Variants in DNAH8 observed in about 807,000 individuals in gnomAD.
DNAH8 encodes the protein axonemal beta dynein heavy chain 8.
Under a neutral mutation model 562.1 loss-of-function variants are expected in DNAH8, and 382 were observed. That is an observed-to-expected ratio of 0.68 (90% CI 0.63 to 0.74). DNAH8 has a LOEUF of 0.74. Among genes scored for constraint, DNAH8 ranks in the 30% least tolerant of loss-of-function variants. The pLI, the probability that DNAH8 is intolerant of heterozygous loss-of-function variation, is 0.00. For missense variants in DNAH8, 5,203 were observed against 5,620.4 expected (o/e 0.93, Z 2.37); for synonymous variants, 1,881 against 1,919.4 (o/e 0.98, Z 0.52).
Position 38,926,101 on chromosome 6 carries a change from T to G in DNAH8, c.11009T>G (p.Ile3670Ser), listed in dbSNP as rs1348244920. 6.2e-7 allele frequency: 1 copy of G among 1,613,830 alleles called. No individual in the cohort carries two copies. The highest frequency in any genetic ancestry group is 8.5e-7 in the Non-Finnish European group (1 of 1,179,808). ...LQGLPGDDLS[I>S]QNGIIVTKAT... ...GGATTACCAGGAGATGATCTCTCAA[T>G]TCAGAATGGCATTATTGTGACAAAG... Residue 3670 changes from isoleucine (I) to serine (S), a missense_variant, in exon 74 of 93, where the codon ATT (isoleucine) becomes AGT (serine). This residue lies in a region of DNAH8 where 1,399 missense variants were observed against 1,518.4 expected (regional missense o/e 0.92). Transcript: ENST00000327475.
chr6:39,002,818 G>A (rs1280682337), intron 88 of DNAH8, among the ~76,000 whole-genome samples: 2 of 152,168 alleles, frequency 1.3e-5, no homozygotes, highest in African/African-American at 4.8e-5. Context: ...TCTGGATGGA[G>A]TTACAAACAC....
At chr6:38,749,229 G>A (rs1470842798) in intron 8 of DNAH8, among the ~76,000 whole-genome samples, 4 of 152,080 alleles carry the variant, frequency 2.6e-5, no homozygotes, top group African/African-American at 9.7e-5. Context: ...ACAGGGACAC[G>A]GATGAAGCTG....
At chr6:39,022,612 G>T (rs541218545) in intron 91 of DNAH8, among the ~76,000 whole-genome samples, 84 of 152,340 alleles carry the variant, frequency 5.5e-4, no homozygotes, top group African/African-American at 2.0e-3. Flanking sequence ...CCCACCTGGG[G>T]GTGCCCTGCT....
intron 8 of DNAH8, 36 bp from the exon 9 acceptor site, chr6:38,750,440 G>C (rs763204076): frequency 1.4e-6 from 2 of 1,420,442 alleles, no homozygotes; most frequent in Non-Finnish European, 2.0e-6. Context: ...GATATATTTG[G>C]ATGTTTCATA....
intron 91 of DNAH8, among the ~76,000 whole-genome samples, chr6:39,016,270 G>A (rs1583573608): frequency 6.6e-6 from 1 of 152,034 alleles, no homozygotes; most frequent in African/African-American, 2.4e-5. Context: ...ACCCTACATA[G>A]GCAGGGCGTG....
At chr6:38,749,161 G>A (rs184025465) in intron 8 of DNAH8, among the ~76,000 whole-genome samples, 2 of 152,234 alleles carry the variant, frequency 1.3e-5, no homozygotes, top group Admixed American at 1.3e-4. Flanking sequence ...AGAAAATGTG[G>A]CACATATACA....
chr6:38,887,086 G>A, intron 57 of DNAH8, 82 bp downstream of exon 57: 1 of 1,033,158 alleles, frequency 9.7e-7, no homozygotes, highest in Non-Finnish European at 1.5e-6. Context: ...AGACAAAAAG[G>A]CTCTGTCTAA....
chr6:38,809,682 A>T (rs1042120709), intron 24 of DNAH8, among the ~76,000 whole-genome samples: 1 of 152,154 alleles, frequency 6.6e-6, no homozygotes, highest in Non-Finnish European at 1.5e-5. Flanking sequence ...GGTCCTGCAC[A>T]TTTTTGTTAG....
chr6:38,915,496 G>C, intron 68 of DNAH8, 119 bp downstream of exon 68: 1 of 875,038 alleles, frequency 1.1e-6, no homozygotes. Flanking sequence ...TAATCTCTGA[G>C]TCTGGAAACA....
intron 82 of DNAH8, among the ~76,000 whole-genome samples, chr6:38,966,582 A>G (rs2150678107): frequency 6.6e-6 from 1 of 152,356 alleles, no homozygotes; most frequent in South Asian, 2.1e-4. Context: ...AAAATTCTCA[A>G]CAAAGTATTA....
At chr6:39,014,876 G>A (rs923344094) in intron 91 of DNAH8, among the ~76,000 whole-genome samples, 4 of 152,176 alleles carry the variant, frequency 2.6e-5, no homozygotes, top group Admixed American at 2.0e-4. Flanking sequence ...GAAGGCAAGT[G>A]AGGGACTGGA....
intron 74 of DNAH8, 23 bp downstream of exon 74, chr6:38,926,233 G>A: frequency 6.2e-7 from 1 of 1,604,326 alleles, no homozygotes; most frequent in East Asian, 2.2e-5. Context: ...TGGTGCAGGG[G>A]AAAGTAATCT....
chr6:38,810,278 G>A (rs1198385160), intron 24 of DNAH8, among the ~76,000 whole-genome samples: 1 of 152,014 alleles, frequency 6.6e-6, no homozygotes, highest in Non-Finnish European at 1.5e-5. Context: ...ACTTTAGAAT[G>A]CACATATTTT....
intron 11 of DNAH8, among the ~76,000 whole-genome samples, chr6:38,766,568 C>T (rs1767021513): frequency 6.6e-6 from 1 of 152,104 alleles, no homozygotes; most frequent in Admixed American, 6.6e-5. Context: ...CTCAATGCAA[C>T]CTCCGCCTCC....
chr6:38,955,164 A>G (rs1324965297), intron 82 of DNAH8, among the ~76,000 whole-genome samples: 1 of 151,900 alleles, frequency 6.6e-6, no homozygotes, highest in African/African-American at 2.4e-5. Flanking sequence ...TGTAGAGATG[A>G]GGTCTCATTA....
At chr6:38,726,387 A>G (rs776583848) in intron 3 of DNAH8, among the ~76,000 whole-genome samples, 4 of 152,076 alleles carry the variant, frequency 2.6e-5, no homozygotes, top group Non-Finnish European at 4.4e-5. Flanking sequence ...CTCTGTTTGG[A>G]GGAATTCTTA....
intron 91 of DNAH8, among the ~76,000 whole-genome samples, chr6:39,020,418 G>A (rs1766836586): frequency 6.6e-6 from 1 of 152,182 alleles, no homozygotes; most frequent in Non-Finnish European, 1.5e-5. Flanking sequence ...AAATCACCCA[G>A]GGAGCTTTTA....
chr6:38,875,810 T>G lies in DNAH8; in HGVS notation c.7840T>G (p.Phe2614Val), dbSNP rs1407822445. Residue 2614 changes from phenylalanine to valine, a missense_variant, in exon 53 of 93, where the codon TTT (phenylalanine) becomes GTT (valine). This residue lies in a region of DNAH8 where 977 missense variants were observed against 1,061.8 expected (regional missense o/e 0.92). Coordinates refer to ENST00000327475, the MANE Select transcript of DNAH8 (RefSeq NM_001206927.2). ...AGGCTCAAATCAAACCATGTATGAG[T>G]TTTATGTTACTGATTATGGTAAGCC... ...PKGSNQTMYE[F>V]YVTDYGDWEH... The G allele has an allele frequency of 6.2e-7, 1 of 1,612,570 alleles. No individual in the cohort carries two copies. Among genetic ancestry groups the G allele is most frequent in the East Asian group, 2.2e-5 (1 of 44,806 alleles).
At position 39,030,455 on chromosome 6, in the gene DNAH8, C is replaced by A; in HGVS notation, c.*63C>A. ...AGACAGCCTGTGCTATTGAGGGACT[C>A]AGTGATGTGTGTGTCTTTTCTCCCC... On this transcript the variant is annotated 3_prime_UTR_variant, in exon 93 of 93. Transcript: ENST00000327475. 1 of 1,399,802 alleles carries A rather than the reference C, an allele frequency of 7.1e-7. No individual in the cohort carries two copies. Among genetic ancestry groups the A allele is most frequent in the Non-Finnish European group, 9.9e-7 (1 of 1,012,858 alleles). The allele number at this position is 1,399,802 out of a possible 1,614,324, so 86.7% of individuals were successfully genotyped here. A position where few individuals can be genotyped will look rare whatever the true frequency, so the allele number is the denominator to read the frequency against.
Sources: allele counts gnomAD v4.1 joint callset (sites outside exome capture counted in the v4.1 genomes callset), GRCh38; gene constraint gnomAD v4.1.1; regional missense constraint gnomAD v4.1.1; transcripts MANE v1.5; gene names NCBI Gene and HGNC (gene_info 2026-07-23, HGNC 2026-07-21).